The following ENOX1 variants were observed in gnomAD, a reference collection of about 807,000 sequenced individuals.
ENOX1 encodes ecto-NOX disulfide-thiol exchanger 1.
In ENOX1, 42 loss-of-function variants were observed where a neutral mutation model predicts 82.5. That is an observed-to-expected ratio of 0.51 (90% CI 0.40 to 0.66). The LOEUF (loss-of-function observed/expected upper bound fraction) is 0.66. ENOX1 is among the 30% of genes least tolerant of loss of function. The pLI is 0.00. For synonymous variants in ENOX1, 271 were observed against 282.2 expected (o/e 0.96, Z 0.40); for missense variants, 608 against 811.6 (o/e 0.75, Z 3.05).
chr13:43,656,005 G>A (rs2084415838), intron 2 of ENOX1, among the ~76,000 whole-genome samples: 1 of 152,086 alleles, frequency 6.6e-6, no homozygotes, highest in Non-Finnish European at 1.5e-5. Flanking sequence ...TCATCCAAAA[G>A]ACCCCTATTT....
chr13:43,460,494 T>C (rs2057418399), intron 3 of ENOX1, among the ~76,000 whole-genome samples: 1 of 152,086 alleles, frequency 6.6e-6, no homozygotes, highest in Non-Finnish European at 1.5e-5. Context: ...TATGTGGAAC[T>C]TTCTGTGTTA....
intron 5 of ENOX1, among the ~76,000 whole-genome samples, chr13:43,364,885 G>A (rs939015729): frequency 6.6e-6 from 1 of 152,162 alleles, no homozygotes; most frequent in Non-Finnish European, 1.5e-5. Context: ...GGGAATTGCT[G>A]GGAGAGAGCC....
intron 11 of ENOX1, among the ~76,000 whole-genome samples, chr13:43,303,580 C>G (rs1301885030): frequency 6.6e-6 from 1 of 152,150 alleles, no homozygotes; most frequent in Non-Finnish European, 1.5e-5. Flanking sequence ...CTGCCTGCTG[C>G]TGGAATAGGC....
At chr13:43,562,579 A>C (rs2079729966) in intron 2 of ENOX1, among the ~76,000 whole-genome samples, 1 of 152,184 alleles carries the variant, frequency 6.6e-6, no homozygotes, top group African/African-American at 2.4e-5. Context: ...AAAGGCACAG[A>C]GTGGCTGAAC....
intron 1 of ENOX1, among the ~76,000 whole-genome samples, chr13:43,753,567 C>T (rs1456597605): frequency 2.0e-5 from 3 of 152,020 alleles, no homozygotes; most frequent in Non-Finnish European, 2.9e-5. Flanking sequence ...CATTTTGATG[C>T]CTAAGGGGAC....
At chr13:43,265,852 G>A (rs759038681) in intron 13 of ENOX1, among the ~76,000 whole-genome samples, 11 of 152,104 alleles carry the variant, frequency 7.2e-5, no homozygotes, top group African/African-American at 2.4e-4. Flanking sequence ...ACGATTATTC[G>A]TGAATGATGC....
At chr13:43,603,712 T>C (rs769760415) in intron 2 of ENOX1, among the ~76,000 whole-genome samples, 1,364 of 127,750 alleles carry the variant, frequency 0.011, 25 homozygotes, top group African/African-American at 0.037. Context: ...ACAAAGGACA[T>C]GAACTCATCA....
At chr13:43,234,942 TAGAGA>T (rs1336437049) in intron 15 of ENOX1, among the ~76,000 whole-genome samples, 7 of 152,078 alleles carry the variant, frequency 4.6e-5, no homozygotes, top group African/African-American at 1.4e-4. Flanking sequence ...AATAAAAAAA[TAGAGA>T]CTGGTTCCCA....
intron 12 of ENOX1, among the ~76,000 whole-genome samples, chr13:43,288,759 G>C (rs1023526193): frequency 6.6e-6 from 1 of 152,142 alleles, no homozygotes; most frequent in African/African-American, 2.4e-5. Context: ...TTAGAAGGTA[G>C]ATCCTCCTGA....
intron 3 of ENOX1, among the ~76,000 whole-genome samples, chr13:43,441,367 C>A (rs965878271): frequency 2.0e-5 from 3 of 152,032 alleles, no homozygotes; most frequent in Non-Finnish European, 2.9e-5. Context: ...CTTACAAGGG[C>A]TGTATGTTTT....
rs548304610 is a variant in ENOX1, at chr13:43,521,744, A to T, written c.-218-37592T>A. 2.0e-5 allele frequency among the ~76,000 whole-genome samples: 3 copies of T among 152,092 alleles called. No homozygotes were observed. In the East Asian group the frequency reaches 5.8e-4, roughly 29 times the overall value. On this transcript the variant is annotated intron_variant, in intron 2 of 16. Transcript: ENST00000690772. ...TAATAATGATTTATTTGTAAGCCTA[A>T]CTCTTCTACTGGACTGGGAGCTCCC...
intron 5 of ENOX1, among the ~76,000 whole-genome samples, chr13:43,378,701 G>T (rs1157844467): frequency 6.6e-6 from 1 of 152,012 alleles, no homozygotes; most frequent in East Asian, 1.9e-4. Context: ...AACTTAAATG[G>T]GTCCTAAAAT....
intron 1 of ENOX1, among the ~76,000 whole-genome samples, chr13:43,713,181 T>C (rs1340403037): frequency 1.3e-5 from 2 of 152,248 alleles, no homozygotes; most frequent in Admixed American, 1.3e-4. Flanking sequence ...TATGTGGTTT[T>C]TGTCTTTGGT....
intron 3 of ENOX1, among the ~76,000 whole-genome samples, chr13:43,425,494 T>G (rs1368666419): frequency 6.6e-6 from 1 of 152,206 alleles, no homozygotes. Flanking sequence ...CTCTTAAGAA[T>G]GCCACATAAA....
At chr13:43,470,261 C>CAT (rs1414269811) in intron 3 of ENOX1, among the ~76,000 whole-genome samples, 3 of 40,760 alleles carry the variant, frequency 7.4e-5, no homozygotes, top group Non-Finnish European at 1.4e-4. Context: ...TATATATATA[C>CAT]ATATATATAC....
chr13:43,417,640 C>T (rs1171122775), intron 3 of ENOX1, among the ~76,000 whole-genome samples: 5 of 152,000 alleles, frequency 3.3e-5, no homozygotes, highest in South Asian at 2.1e-4. Context: ...ATCTTCTTAG[C>T]GATGTTTATT....
In ENOX1 at chr13:43,344,700, G is replaced by A. The variant is rs752475626; in HGVS notation, c.874C>T (p.Arg292Ter). Reference protein sequence around the residue: ...AITVLLSWIERGEVNRRSANQ... With the variant: ...AITVLLSWIE ...GCAGAGCGCCGATTCACTTCCCCTC[G>A]TTCAATCCAGGAAAGCAGCACTGTG... The change falls in exon 9 of 17, where the codon CGA (arginine) becomes TGA (stop). Residue 292 changes from arginine to a stop codon, truncating the protein, a stop_gained. Coordinates refer to ENST00000690772, the MANE Select transcript of ENOX1 (RefSeq NM_001347969.2). LOFTEE classifies it high-confidence loss of function. 18 of 1,613,970 alleles carry A rather than the reference G, an allele frequency of 1.1e-5. No individual in the cohort carries two copies. The highest frequency in any genetic ancestry group is 1.4e-5 in the Non-Finnish European group (17 of 1,180,022).
intron 3 of ENOX1, among the ~76,000 whole-genome samples, chr13:43,435,058 C>T (rs371110389): frequency 6.7e-6 from 1 of 150,008 alleles, no homozygotes; most frequent in Non-Finnish European, 1.5e-5. Context: ...GCATAATACC[C>T]GGCACGCAGA....
chr13:43,255,494 C>CAAATA (rs2153473035), intron 14 of ENOX1, among the ~76,000 whole-genome samples: 1 of 152,162 alleles, frequency 6.6e-6, no homozygotes, highest in South Asian at 2.1e-4. Flanking sequence ...CCAAATTAGC[C>CAAATA]TTGTTCACAG....
Sources: allele counts gnomAD v4.1 joint callset (sites outside exome capture counted in the v4.1 genomes callset), GRCh38; gene constraint gnomAD v4.1.1; transcripts MANE v1.5; gene names NCBI Gene and HGNC (gene_info 2026-07-23, HGNC 2026-07-21).